The following SORCS1 variants were observed in gnomAD, a reference collection of about 807,000 sequenced individuals.
SORCS1 encodes the protein sortilin related VPS10 domain containing receptor 1.
A neutral mutation model predicts 146.1 loss-of-function variants in SORCS1; 60 were observed. That is an observed-to-expected ratio of 0.41 (90% CI 0.33 to 0.51). SORCS1 has a LOEUF of 0.51. Among genes scored for constraint, SORCS1 ranks in the 20% least tolerant of loss-of-function variants. SORCS1 has a pLI of 0.21. For missense variants in SORCS1, 1,352 were observed against 1,487.6 expected, an observed-to-expected ratio of 0.91 and a Z score of 1.50; for synonymous variants, 637 against 584.0, an observed-to-expected ratio of 1.09 and a Z score of -1.31.
At chr10:107,094,670 A>T (rs2149195) in intron 1 of SORCS1, among the ~76,000 whole-genome samples, 73,181 of 151,766 alleles carry the variant, frequency 0.48, 18,278 homozygotes, top group Middle Eastern at 0.64. Context: ...GAATTTTTTT[A>T]AAAAAGGCTC....
At chr10:106,872,793 A>G (rs1950459319) in intron 2 of SORCS1, among the ~76,000 whole-genome samples, 1 of 152,194 alleles carries the variant, frequency 6.6e-6, no homozygotes, top group Non-Finnish European at 1.5e-5. Context: ...TCTTGAATCT[A>G]TTTATCTTAA....
chr10:107,070,487 AT>A (rs940354609), intron 1 of SORCS1, among the ~76,000 whole-genome samples: 2 of 152,212 alleles, frequency 1.3e-5, no homozygotes, highest in African/African-American at 4.8e-5. Context: ...AAATTGCAGA[AT>A]TTAAAAGCTA....
chr10:106,937,023 T>A (rs1156319283), intron 2 of SORCS1, among the ~76,000 whole-genome samples: 1 of 152,220 alleles, frequency 6.6e-6, no homozygotes, highest in Non-Finnish European at 1.5e-5. Context: ...TGATACGGTT[T>A]GGCTGTGTCC....
At chr10:107,110,149 G>C (rs988681813) in intron 1 of SORCS1, among the ~76,000 whole-genome samples, 1 of 152,082 alleles carries the variant, frequency 6.6e-6, no homozygotes, top group African/African-American at 2.4e-5. Flanking sequence ...GTTCCAAACT[G>C]TCCCTCATCT....
At chr10:106,842,977 G>A (rs1327346099) in intron 2 of SORCS1, among the ~76,000 whole-genome samples, 1 of 152,088 alleles carries the variant, frequency 6.6e-6, no homozygotes, top group Non-Finnish European at 1.5e-5. Flanking sequence ...TTACTGATAC[G>A]ATTGACAAAT....
intron 3 of SORCS1, among the ~76,000 whole-genome samples, chr10:106,822,211 T>C (rs1265193630): frequency 2.6e-5 from 4 of 152,220 alleles, no homozygotes; most frequent in Non-Finnish European, 5.9e-5. Context: ...TTTAAGAGTG[T>C]AGTTTTATTA....
At chr10:106,620,062 A>C (rs757149153) in intron 20 of SORCS1, 48 of 162,282 alleles carry the variant, frequency 3.0e-4, no homozygotes, top group Non-Finnish European at 4.7e-4. Flanking sequence ...CTCTACCCCC[A>C]GCACTGTGAT....
At chr10:106,694,335 C>T (rs1457633043) in intron 9 of SORCS1, among the ~76,000 whole-genome samples, 1 of 152,154 alleles carries the variant, frequency 6.6e-6, no homozygotes, top group Admixed American at 6.5e-5. Flanking sequence ...TCTCGGCTCA[C>T]TGCAACCTCC....
intron 5 of SORCS1, among the ~76,000 whole-genome samples, chr10:106,758,522 A>G (rs1331334484): frequency 3.3e-5 from 5 of 152,102 alleles, no homozygotes; most frequent in Non-Finnish European, 7.4e-5. Context: ...CAAAGCAGCA[A>G]CTCCATTTCC....
intron 3 of SORCS1, among the ~76,000 whole-genome samples, chr10:106,785,464 T>A (rs538061430): frequency 2.0e-5 from 3 of 152,354 alleles, no homozygotes; most frequent in African/African-American, 7.2e-5. Context: ...GTAATACATT[T>A]GTTTACCTGT....
intron 8 of SORCS1, among the ~76,000 whole-genome samples, chr10:106,699,826 T>C (rs1854000719): frequency 6.6e-6 from 1 of 152,328 alleles, no homozygotes; most frequent in South Asian, 2.1e-4. Context: ...GCATGGCTCA[T>C]GGACCAGCAG....
chr10:106,956,129 C>CAAA lies in SORCS1; in HGVS notation c.626+381_626+383dup, dbSNP rs201562634. ...GGGCAACAAGACCAAAACTCCGTCTCAAAAAAAAAAAAAAAGTTTCCCTGG... is the reference window on the plus strand; with the variant it reads ...GGGCAACAAGACCAAAACTCCGTCTCAAAAAAAAAAAAAAAAAAGTTTCCCTGG... On this transcript the variant is annotated intron_variant, in intron 2 of 25. Transcript: ENST00000263054. Among the ~76,000 whole-genome samples, 352 of 125,486 alleles carry CAAA rather than the reference C, an allele frequency of 2.8e-3. 5 individuals carry two copies. Among genetic ancestry groups the CAAA allele is most frequent in the African/African-American group, 9.5e-3 (326 of 34,416 alleles). The allele number at this position is 125,486 out of a possible 152,430, so 82.3% of individuals were successfully genotyped here.
intron 1 of SORCS1, among the ~76,000 whole-genome samples, chr10:107,048,603 A>C (rs57011369): frequency 0.016 from 2,477 of 152,318 alleles, 40 homozygotes; most frequent in Middle Eastern, 0.088. Context: ...CTTATAAATG[A>C]ATATTTTATG....
chr10:106,620,377 C>T (rs766408437), intron 20 of SORCS1, 51 bp downstream of exon 20: 16 of 1,574,298 alleles, frequency 1.0e-5, no homozygotes, highest in Non-Finnish European at 1.2e-5. Context: ...TTGCTTCAGG[C>T]AGCGTGAATT....
chr10:106,683,774 T>C (rs1232339224), intron 10 of SORCS1, among the ~76,000 whole-genome samples: 2 of 152,100 alleles, frequency 1.3e-5, no homozygotes, highest in Non-Finnish European at 2.9e-5. Context: ...TCCCCAACAC[T>C]CTCCCTCCCG....
At chr10:106,963,224 T>A (rs1189400247) in intron 1 of SORCS1, among the ~76,000 whole-genome samples, 1 of 146,968 alleles carries the variant, frequency 6.8e-6, no homozygotes, top group Non-Finnish European at 1.5e-5. Flanking sequence ...CACGCCATTC[T>A]CCTGCCTCAG....
At chr10:106,727,062 C>T (rs1174750932) in intron 6 of SORCS1, among the ~76,000 whole-genome samples, 2 of 146,190 alleles carry the variant, frequency 1.4e-5, no homozygotes, top group Non-Finnish European at 1.5e-5. Context: ...CTCCAGCCTG[C>T]GTGACAGAGC....
chr10:107,029,910 T>C (rs559209557), intron 1 of SORCS1, among the ~76,000 whole-genome samples: 2 of 152,320 alleles, frequency 1.3e-5, no homozygotes, highest in African/African-American at 4.8e-5. Context: ...GTGACATCTC[T>C]AAGTCAGGAA....
Position 106,699,275 on chromosome 10 carries a change from G to A in SORCS1, c.1352C>T (p.Ala451Val), listed in dbSNP as rs1181246473. Residue 451 changes from alanine (A) to valine (V), a missense_variant, in exon 9 of 26, where the codon GCC (alanine) becomes GTC (valine). Ala to Val is a moderately conservative substitution (Grantham distance 64). Around this residue, in one of 3 missense-constraint regions of SORCS1, gnomAD observed 648 missense variants for 793.8 expected, o/e 0.82. Coordinates refer to ENST00000263054, the MANE Select transcript of SORCS1 (RefSeq NM_052918.5). ...SDTRGVYFTL[A>V]LENVQSSRGP... ...TCTGCTGCTCTGGACATTCTCCAAG[G>A]CCAGGGTGAAGTAGACACCACGTGT... 1.9e-6 allele frequency: 3 copies of A among 1,613,988 alleles called. No homozygotes were observed. Among genetic ancestry groups the A allele is most frequent in the Admixed American group, 1.7e-5 (1 of 60,000 alleles).
Sources: gnomAD v4.1 joint callset for allele counts (sites outside exome capture counted in the v4.1 genomes callset) on GRCh38, gnomAD v4.1.1 for gene constraint, gnomAD v4.1.1 regional missense constraint, MANE v1.5 for transcripts, NCBI Gene and HGNC (gene_info 2026-07-23, HGNC 2026-07-21) for gene names.